DHRSX: variants seen among roughly 807,000 people sequenced by gnomAD.
DHRSX encodes the protein dehydrogenase/reductase X-linked.
A neutral mutation model predicts 34.0 loss-of-function variants in DHRSX; 31 were observed. That is an observed-to-expected ratio of 0.91 (90% confidence interval 0.69 to 1.23). The LOEUF (loss-of-function observed/expected upper bound fraction) is 1.23. DHRSX is among the 50% of genes most tolerant of loss of function. DHRSX has a pLI of 0.00. For missense variants in DHRSX, 414 were observed against 428.1 expected (o/e 0.97, Z 0.29); for synonymous variants, 201 against 183.8 (o/e 1.09, Z -0.76).
intron 3 of DHRSX, among the ~76,000 whole-genome samples, chrX:2,293,185 A>G (rs62595533): frequency 0.98 from 148,551 of 151,908 alleles, 72,693 homozygotes; most frequent in African/African-American, 1. Flanking sequence ...TATCAACTTC[A>G]CTCTTTCTCT....
chrX:2,486,301 G>C lies in DHRSX; in HGVS notation c.109+14516C>G, dbSNP rs567351087. On this transcript the variant is annotated intron_variant, in intron 1 of 6. Coordinates refer to ENST00000334651, the MANE Select transcript of DHRSX (RefSeq NM_145177.3). ...ACTGACCGTGGGTGCCCTGGAAAAA[G>C]TTGCTTTCAACAAGGACCACAACAA... The C allele has an allele frequency of 1.6e-4, 25 of 152,232 alleles. 1 individual carries two copies. The highest frequency in any genetic ancestry group is 5.3e-4 in the African/African-American group (22 of 41,522). The allele number at this position is 152,232 out of a possible 1,614,324, so 9.4% of individuals were successfully genotyped here.
intron 3 of DHRSX, among the ~76,000 whole-genome samples, chrX:2,369,693 G>A (rs1022353418): frequency 1.7e-4 from 26 of 151,956 alleles, no homozygotes; most frequent in Admixed American, 1.2e-3. Flanking sequence ...TAGTAGAGAC[G>A]GGGTTTCACC....
intron 1 of DHRSX, among the ~76,000 whole-genome samples, chrX:2,444,846 T>A (rs1474824610): frequency 5.5e-5 from 8 of 144,320 alleles, no homozygotes; most frequent in Middle Eastern, 7.2e-3. Flanking sequence ...AAAAAAAAAA[T>A]GTTAAAAATT....
chrX:2,433,245 G>C (rs1398411807), intron 1 of DHRSX, among the ~76,000 whole-genome samples: 1 of 152,032 alleles, frequency 6.6e-6, no homozygotes, highest in African/African-American at 2.4e-5. Flanking sequence ...TATCTAAAAA[G>C]TTCAACTCCA....
intron 3 of DHRSX, among the ~76,000 whole-genome samples, chrX:2,350,621 G>C (rs1269620318): frequency 6.6e-6 from 1 of 152,034 alleles, no homozygotes; most frequent in African/African-American, 2.4e-5. Context: ...ATAAGGTTTT[G>C]GTATATAACA....
chrX:2,253,561 G>C (rs1322909765), intron 5 of DHRSX, among the ~76,000 whole-genome samples: 2 of 152,262 alleles, frequency 1.3e-5, no homozygotes, highest in Non-Finnish European at 2.9e-5. Flanking sequence ...CTGCACTCCA[G>C]TCTGGGTGAG....
In DHRSX at chrX:2,265,953, C is replaced by T. The variant is rs754555302; in HGVS notation, c.596+787G>A. Reference sequence around the variant, plus strand: ...TGCAGGGAGCACTGTCCCCAGAGCACCAGTGTACAGCAGATGCAGGGAGCA... The same window carrying T: ...TGCAGGGAGCACTGTCCCCAGAGCATCAGTGTACAGCAGATGCAGGGAGCA... On this transcript the variant is annotated intron_variant, in intron 5 of 6. Coordinates refer to ENST00000334651, the MANE Select transcript of DHRSX (RefSeq NM_145177.3). Among the ~76,000 whole-genome samples, 403 of 141,418 alleles carry T rather than the reference C, an allele frequency of 2.8e-3. 3 individuals are homozygous for T. The highest frequency in any genetic ancestry group is 0.01 in the African/African-American group (364 of 36,284). 92.8% of individuals were successfully genotyped at this position (141,418 alleles called of 152,430 possible). A position where few individuals can be genotyped will look rare whatever the true frequency, so the allele number is the denominator to read the frequency against.
chrX:2,249,804 G>C (rs187458468), intron 5 of DHRSX, among the ~76,000 whole-genome samples: 3,212 of 151,726 alleles, frequency 0.021, 113 homozygotes, highest in African/African-American at 0.072. Flanking sequence ...GATTACAAGC[G>C]TGAGCCAACG....
intron 6 of DHRSX, among the ~76,000 whole-genome samples, chrX:2,235,377 C>T (rs1305518982): frequency 3.9e-5 from 6 of 152,256 alleles, no homozygotes; most frequent in South Asian, 2.1e-4. Flanking sequence ...GGGACTTCAC[C>T]GCTGTGCAAT....
chrX:2,393,092 G>T (rs999138304), intron 3 of DHRSX, among the ~76,000 whole-genome samples: 1 of 146,020 alleles, frequency 6.8e-6, no homozygotes, highest in African/African-American at 2.5e-5. Context: ...TATATACATT[G>T]AACATAATAC....
At chrX:2,232,547 A>G (rs2015920225) in intron 6 of DHRSX, among the ~76,000 whole-genome samples, 1 of 152,006 alleles carries the variant, frequency 6.6e-6, no homozygotes, top group East Asian at 1.9e-4. Context: ...AACTCAGTGG[A>G]TCTTAGGAGG....
chrX:2,432,409 A>G (rs1462816619), intron 1 of DHRSX, among the ~76,000 whole-genome samples: 1 of 152,176 alleles, frequency 6.6e-6, no homozygotes, highest in African/African-American at 2.4e-5. Context: ...TGAGGCGGCA[A>G]AGAGGAAAAT....
chrX:2,343,045 T>C (rs759747256), intron 3 of DHRSX, among the ~76,000 whole-genome samples: 2 of 152,284 alleles, frequency 1.3e-5, no homozygotes, highest in Admixed American at 1.3e-4. Context: ...TCATGACTCA[T>C]GTCAGCATAA....
Position 2,360,488 on chromosome X carries a change from C to A in DHRSX, c.286+48257G>T, listed in dbSNP as rs762665239. Among the ~76,000 whole-genome samples, 84 of 152,224 alleles carry A rather than the reference C, an allele frequency of 5.5e-4. 1 individual carries two copies. Among genetic ancestry groups the A allele is most frequent in the African/African-American group, 1.9e-3 (80 of 41,536 alleles). On this transcript the variant is annotated intron_variant, in intron 3 of 6. Transcript: ENST00000334651. ...ATCCCAGCTACTTGGGAGGCTGAGGCAGGAGAATCGCTTGAACCCGGGAGG... is the reference window on the plus strand; with the variant it reads ...ATCCCAGCTACTTGGGAGGCTGAGGAAGGAGAATCGCTTGAACCCGGGAGG...
intron 5 of DHRSX, among the ~76,000 whole-genome samples, chrX:2,264,711 G>T (rs1384052993): frequency 6.7e-6 from 1 of 148,764 alleles, no homozygotes; most frequent in East Asian, 2.0e-4. Flanking sequence ...TAGACACAGA[G>T]AGCAGTGTGC....
intron 4 of DHRSX, among the ~76,000 whole-genome samples, chrX:2,269,172 T>C (rs1018546212): frequency 6.6e-6 from 1 of 152,272 alleles, no homozygotes; most frequent in African/African-American, 2.4e-5. Context: ...CTAGCATTTG[T>C]CTACATATTT....
intron 5 of DHRSX, among the ~76,000 whole-genome samples, chrX:2,247,697 A>C (rs1330650032): frequency 3.3e-5 from 5 of 151,474 alleles, no homozygotes; most frequent in African/African-American, 1.2e-4. Context: ...CTCTATATTC[A>C]TGTATTCATT....
chrX:2,268,161 G>C lies in DHRSX; in HGVS notation c.389-1214C>G, dbSNP rs143235323. On this transcript the variant is annotated intron_variant, in intron 4 of 6. Transcript: ENST00000334651. ...TGACATGTTCTATCTACCAGACACA[G>C]AACAGCCCACCCCTGTCAGGCCAAG... Among the ~76,000 whole-genome samples, 993 of 152,272 alleles carry C rather than the reference G, an allele frequency of 6.5e-3. 19 individuals carry two copies. The highest frequency in any genetic ancestry group is 0.023 in the African/African-American group (942 of 41,570).
intron 1 of DHRSX, among the ~76,000 whole-genome samples, chrX:2,463,211 G>A (rs6567532): frequency 0.61 from 91,897 of 151,724 alleles, 30,052 homozygotes; most frequent in African/African-American, 0.88. Context: ...CCTACTCAGA[G>A]AGGCTGTGGC....
Sources: gnomAD v4.1 joint callset for allele counts (sites outside exome capture counted in the v4.1 genomes callset) on GRCh38, gnomAD v4.1.1 for gene constraint, MANE v1.5 for transcripts, NCBI Gene and HGNC (gene_info 2026-07-23, HGNC 2026-07-21) for gene names.